SCLY: variants seen among roughly 807,000 people sequenced by gnomAD.
SCLY encodes the protein putative selenocysteine lyase.
In SCLY, 38 loss-of-function variants were observed where a neutral mutation model predicts 50.1. The observed-to-expected ratio is 0.76, with a 90% confidence interval of 0.59 to 0.99. The LOEUF is 0.99. SCLY is among the 50% of genes least tolerant of loss of function. The probability of loss-of-function intolerance (pLI) is 0.00; values close to 1 mark genes in which losing one functional copy is unlikely to be tolerated. For synonymous variants in SCLY, 243 were observed against 249.4 expected, an observed-to-expected ratio of 0.97 and a Z score of 0.24; for missense variants, 600 against 620.0, an observed-to-expected ratio of 0.97 and a Z score of 0.34.
intron 11 of SCLY, among the ~76,000 whole-genome samples, chr2:238,097,339 G>A (rs544701595): frequency 6.6e-6 from 1 of 152,218 alleles, no homozygotes; most frequent in Non-Finnish European, 1.5e-5. Context: ...CGGGTGGGCT[G>A]CCTGGCGGAG....
chr2:238,073,268 G>A (rs2065143528), intron 4 of SCLY, among the ~76,000 whole-genome samples: 1 of 152,174 alleles, frequency 6.6e-6, no homozygotes, highest in African/African-American at 2.4e-5. Flanking sequence ...GTAGTTTGTA[G>A]TAAGTTTTGA....
chr2:238,095,097 G>A (rs1164581591), intron 10 of SCLY, among the ~76,000 whole-genome samples: 1 of 152,160 alleles, frequency 6.6e-6, no homozygotes, highest in African/African-American at 2.4e-5. Flanking sequence ...CAGCTACTTG[G>A]GAGGCTGAGG....
intron 7 of SCLY, among the ~76,000 whole-genome samples, chr2:238,090,911 G>A (rs565991804): frequency 4.7e-4 from 71 of 152,286 alleles, no homozygotes; most frequent in African/African-American, 1.7e-3. Context: ...AGAGAGCTGT[G>A]CCTTGGGGCC....
rs1181302627 is a variant in SCLY, at chr2:238,096,881, G to A, written c.1184+5G>A. On this transcript the variant is annotated splice_donor_5th_base_variant and intron_variant, in intron 11 of 11. Transcript: ENST00000254663. ...CCACTCGGACCACGGGGACCAGTAA[G>A]TGCTCTTCACAAACCCAGTCCAGGG... 1 of 1,607,500 alleles carries A rather than the reference G, an allele frequency of 6.2e-7. No homozygotes were observed. Among genetic ancestry groups the A allele is most frequent in the South Asian group, 1.1e-5 (1 of 89,844 alleles).
chr2:238,071,388 CTTGAGGTCAGGAAT>C (rs1348805302), intron 4 of SCLY, among the ~76,000 whole-genome samples: 4 of 152,194 alleles, frequency 2.6e-5, no homozygotes. Context: ...GGACAGATCA[CTTGAGGTCAGGAAT>C]TTGAGACCAG....
chr2:238,096,472 C>T (rs769055430), intron 10 of SCLY, among the ~76,000 whole-genome samples: 1 of 152,152 alleles, frequency 6.6e-6, no homozygotes, highest in African/African-American at 2.4e-5. Flanking sequence ...CAGGTGGAGA[C>T]GTGATATTGC....
chr2:238,097,883 C>T (rs2065456428), intron 11 of SCLY, among the ~76,000 whole-genome samples: 1 of 152,102 alleles, frequency 6.6e-6, no homozygotes, highest in South Asian at 2.1e-4. Context: ...CATCCGTGTT[C>T]TCCAGGACCT....
At chr2:238,097,006 G>A (rs1180046277) in intron 11 of SCLY, 130 bp downstream of exon 11, 7 of 901,396 alleles carry the variant, frequency 7.8e-6, no homozygotes, top group Non-Finnish European at 1.2e-5. Context: ...CTGGGCCCTA[G>A]GAGGGGCAGA....
At chr2:238,082,915 T>TCTTC in intron 6 of SCLY, 1 of 343,618 alleles carries the variant, frequency 2.9e-6, no homozygotes, top group South Asian at 2.5e-5. Flanking sequence ...TTATGCATTC[T>TCTTC]CTTTCTTTTT....
intron 7 of SCLY, among the ~76,000 whole-genome samples, chr2:238,090,109 A>G (rs768422436): frequency 1.4e-3 from 207 of 152,324 alleles, no homozygotes; most frequent in Non-Finnish European, 2.5e-3. Flanking sequence ...GAAAATAGGG[A>G]AAAAATATAA....
intron 8 of SCLY, chr2:238,093,442 C>T: frequency 4.2e-6 from 1 of 237,940 alleles, no homozygotes; most frequent in Non-Finnish European, 8.4e-6. Context: ...TCTGTCTGTC[C>T]CCTGCAAAGC....
intron 9 of SCLY, 138 bp from the exon 10 acceptor site, chr2:238,094,282 C>A: frequency 1.3e-6 from 1 of 749,668 alleles, no homozygotes. Flanking sequence ...AGTCCGTCCC[C>A]GTAACTATTC....
At chr2:238,071,301 A>G (rs977089601) in intron 4 of SCLY, among the ~76,000 whole-genome samples, 1 of 152,236 alleles carries the variant, frequency 6.6e-6, no homozygotes, top group Non-Finnish European at 1.5e-5. Flanking sequence ...AAAATATTAT[A>G]GAAAAGTATA....
intron 8 of SCLY, chr2:238,092,497 C>G (rs892838396): frequency 2.0e-5 from 3 of 152,298 alleles, no homozygotes; most frequent in Non-Finnish European, 4.4e-5. Context: ...TGGCTTGAAG[C>G]TTCACTCACC....
chr2:238,098,145 CTG>C, intron 11 of SCLY, 55 bp from the exon 12 acceptor site: 1 of 1,578,872 alleles, frequency 6.3e-7, no homozygotes, highest in Non-Finnish European at 8.6e-7. Context: ...GCAGGGGGGG[CTG>C]TGTCTCTTCC....
chr2:238,069,563 C>A lies in SCLY; in HGVS notation c.484+86C>A. 8.1e-7 allele frequency: 1 copy of A among 1,228,898 alleles called. No individual in the cohort carries two copies. Among genetic ancestry groups the A allele is most frequent in the Non-Finnish European group, 1.1e-6 (1 of 892,774 alleles). 76.1% of individuals were successfully genotyped at this position (1,228,898 alleles called of 1,614,324 possible). A position where few individuals can be genotyped will look rare whatever the true frequency, so the allele number is the denominator to read the frequency against. ...GTGGCCTGCGAGCAGAGCCCGGGAT[C>A]CGCTGCAGAGATGTAGATTCAGTGT... On this transcript the variant is annotated intron_variant, in intron 4 of 11. Coordinates refer to ENST00000254663, the MANE Select transcript of SCLY (RefSeq NM_016510.7). The surrounding 1 kb of genome is among the most constrained non-coding windows in gnomAD (Gnocchi z 5.0).
At position 238,066,087 on chromosome 2, in the gene SCLY, CAAAA is replaced by C. The variant is rs973938574; in HGVS notation, c.202+1620_202+1623del. On this transcript the variant is annotated intron_variant, in intron 2 of 11. Transcript: ENST00000254663. The surrounding 1 kb of genome is among the most constrained non-coding windows in gnomAD (Gnocchi z 4.1). ...GTCTTGCTTATAATAGCAAAACAAA[CAAAA>C]ACCCTGAAAATAAGCTCAGCATTCA... Among the ~76,000 whole-genome samples the C allele has an allele frequency of 2.0e-5, 3 of 152,156 alleles. No individual in the cohort carries two copies. Among genetic ancestry groups the C allele is most frequent in the African/African-American group, 7.2e-5 (3 of 41,440 alleles).
In SCLY at chr2:238,093,911, G is replaced by A. The variant is rs757530337; in HGVS notation, c.972G>A (p.Arg324=). 2.5e-6 allele frequency: 4 copies of A among 1,614,016 alleles called. No homozygotes were observed. In the Admixed American group the frequency reaches 5.0e-5, roughly 20 times the overall value. Residue 324 remains arginine, a synonymous_variant, in exon 9 of 12, where the codon AGG becomes AGA. Coordinates refer to ENST00000254663, the MANE Select transcript of SCLY (RefSeq NM_016510.7). The stretch of plus-strand genomic sequence containing the variant: ...GCGAGGCTTATGAGGCCCACATGAG[G>A]GACGTCCGCGACTACCTGGAAGAGA... ...QNCEAYEAHM[R]DVRDYLEERL... is the part of the protein sequence containing the mutation.
At position 238,091,258 on chromosome 2, in the gene SCLY, A is replaced by G. The variant is rs2065358852; in HGVS notation, c.921+4A>G. On this transcript the variant is annotated splice_donor_region_variant and intron_variant, in intron 8 of 11. Transcript: ENST00000254663. ...AATGATTGCTGGCCTTGGGAAGGTG[A>G]GCCCTGGTGAGCTTGAGGAGATGAG... is the stretch of plus-strand genomic sequence containing the variant. The G allele has an allele frequency of 6.2e-7, 1 of 1,612,970 alleles. No individual in the cohort carries two copies. Among genetic ancestry groups the G allele is most frequent in the South Asian group, 1.1e-5 (1 of 91,050 alleles).
Sources: allele counts gnomAD v4.1 joint callset (sites outside exome capture counted in the v4.1 genomes callset), GRCh38; gene constraint gnomAD v4.1.1; non-coding constraint Gnocchi (gnomAD v3.1); transcripts MANE v1.5; gene names NCBI Gene and HGNC (gene_info 2026-07-23, HGNC 2026-07-21).